The following CLSTN2 variants were observed in gnomAD, a reference collection of about 807,000 sequenced individuals.
CLSTN2 encodes the protein calsyntenin-2.
A neutral mutation model predicts 101.2 loss-of-function variants in CLSTN2; 48 were observed. That is an observed-to-expected ratio of 0.47 (90% CI 0.38 to 0.60). CLSTN2 has a LOEUF of 0.60. Ranked by LOEUF, CLSTN2 falls within the 20% of genes least tolerant of loss-of-function variation. The probability of loss-of-function intolerance (pLI) is 0.00; values close to 1 mark genes in which losing one functional copy is unlikely to be tolerated. For missense variants in CLSTN2, 1,160 were observed against 1,238.2 expected (o/e 0.94, Z 0.95); for synonymous variants, 481 against 463.6 (o/e 1.04, Z -0.48).
intron 1 of CLSTN2, among the ~76,000 whole-genome samples, chr3:139,944,363 G>A (rs1052357209): frequency 3.3e-5 from 5 of 152,200 alleles, no homozygotes; most frequent in African/African-American, 1.2e-4. Flanking sequence ...ACCCATCCCA[G>A]AGATTTTGTT....
At chr3:140,105,199 C>T (rs1381834167) in intron 1 of CLSTN2, among the ~76,000 whole-genome samples, 6 of 152,166 alleles carry the variant, frequency 3.9e-5, no homozygotes, top group African/African-American at 1.4e-4. Flanking sequence ...TTTAAGTAAT[C>T]TAGTCTGACT....
At chr3:140,279,744 TAAAG>T (rs879300521) in intron 2 of CLSTN2, among the ~76,000 whole-genome samples, 13 of 152,224 alleles carry the variant, frequency 8.5e-5, no homozygotes, top group African/African-American at 2.6e-4. Flanking sequence ...AAATGAAAAA[TAAAG>T]AAAGAAAGAA....
chr3:140,007,203 T>C (rs1373864416), intron 1 of CLSTN2, among the ~76,000 whole-genome samples: 1 of 152,080 alleles, frequency 6.6e-6, no homozygotes, highest in Non-Finnish European at 1.5e-5. Flanking sequence ...ATGGTTTCAC[T>C]AAGCTGTTGG....
chr3:140,485,981 G>C (rs1934233636), intron 8 of CLSTN2, among the ~76,000 whole-genome samples: 1 of 152,004 alleles, frequency 6.6e-6, no homozygotes, highest in Non-Finnish European at 1.5e-5. Context: ...ACCCCCCAGT[G>C]AGATGAACTC....
chr3:140,477,879 T>C (rs1319299829), intron 8 of CLSTN2, among the ~76,000 whole-genome samples: 1 of 152,224 alleles, frequency 6.6e-6, no homozygotes, highest in Non-Finnish European at 1.5e-5. Context: ...CATGTCTACA[T>C]GGTTCAGAAG....
At chr3:140,079,022 A>C (rs1259754756) in intron 1 of CLSTN2, among the ~76,000 whole-genome samples, 2 of 152,126 alleles carry the variant, frequency 1.3e-5, no homozygotes, top group Non-Finnish European at 2.9e-5. Context: ...CCTATTTTTG[A>C]GTCCTAGTTC....
chr3:140,197,195 A>G (rs983500060), intron 2 of CLSTN2, among the ~76,000 whole-genome samples: 1 of 152,140 alleles, frequency 6.6e-6, no homozygotes, highest in Admixed American at 6.6e-5. Flanking sequence ...TGTCCTCACT[A>G]TGAAATGATT....
intron 2 of CLSTN2, among the ~76,000 whole-genome samples, chr3:140,312,593 G>A (rs919710781): frequency 6.6e-6 from 1 of 152,184 alleles, no homozygotes; most frequent in African/African-American, 2.4e-5. Context: ...AAAATAATGA[G>A]AAATACAGAA....
chr3:140,021,233 T>C (rs1395274961), intron 1 of CLSTN2, among the ~76,000 whole-genome samples: 1 of 152,156 alleles, frequency 6.6e-6, no homozygotes, highest in Admixed American at 6.5e-5. Flanking sequence ...CACTCTTAAG[T>C]ACTCTGAGTT....
chr3:140,413,098 C>T (rs2088383993), intron 4 of CLSTN2, among the ~76,000 whole-genome samples: 1 of 151,928 alleles, frequency 6.6e-6, no homozygotes, highest in Non-Finnish European at 1.5e-5. Flanking sequence ...AGATCAATGA[C>T]ACCAAGTTTG....
chr3:140,447,891 C>T (rs1349720545), intron 5 of CLSTN2, among the ~76,000 whole-genome samples: 7 of 152,190 alleles, frequency 4.6e-5, no homozygotes, highest in Non-Finnish European at 7.3e-5. Flanking sequence ...GGAGATCTGA[C>T]GTTTGCCTGT....
At chr3:140,197,189 C>T (rs1001713696) in intron 2 of CLSTN2, among the ~76,000 whole-genome samples, 7 of 152,224 alleles carry the variant, frequency 4.6e-5, no homozygotes, top group Non-Finnish European at 8.8e-5. Context: ...GGTAGCTGTC[C>T]TCACTATGAA....
At chr3:140,439,392 G>A (rs190216238) in intron 5 of CLSTN2, among the ~76,000 whole-genome samples, 20 of 152,320 alleles carry the variant, frequency 1.3e-4, no homozygotes, top group African/African-American at 4.8e-4. Flanking sequence ...CTCTGCCAAC[G>A]TGCATGACTC....
chr3:140,360,361 C>A (rs938781402), intron 2 of CLSTN2, among the ~76,000 whole-genome samples: 1 of 152,080 alleles, frequency 6.6e-6, no homozygotes, highest in Non-Finnish European at 1.5e-5. Flanking sequence ...TGACTTAATA[C>A]ACAGAAAAAA....
chr3:140,445,755 C>A (rs1036221390), intron 5 of CLSTN2, among the ~76,000 whole-genome samples: 1 of 152,152 alleles, frequency 6.6e-6, no homozygotes, highest in Non-Finnish European at 1.5e-5. Flanking sequence ...GGTTAGATGT[C>A]TGCGGCTGCC....
chr3:140,308,867 G>T (rs560019674), intron 2 of CLSTN2, among the ~76,000 whole-genome samples: 1 of 152,256 alleles, frequency 6.6e-6, no homozygotes, highest in Non-Finnish European at 1.5e-5. Context: ...CTCCCTAAGC[G>T]CAGCTCTAAT....
In CLSTN2 at chr3:140,083,360, G is replaced by A. The variant is rs560123605; in HGVS notation, c.110-92591G>A. Among the ~76,000 whole-genome samples the A allele has an allele frequency of 7.9e-5, 12 of 152,298 alleles. 1 individual carries two copies. The South Asian group carries it at 2.3e-3, about 29-fold the overall frequency. ...GCCCAAATTTTCTAATGGCAGCAAG[G>A]AGGGATGAATTTTCAAAGTAAATGT... On this transcript the variant is annotated intron_variant, in intron 1 of 16. Coordinates refer to ENST00000458420, the MANE Select transcript of CLSTN2 (RefSeq NM_022131.3).
At chr3:140,483,212 T>C (rs1276949610) in intron 8 of CLSTN2, among the ~76,000 whole-genome samples, 3 of 152,234 alleles carry the variant, frequency 2.0e-5, no homozygotes, top group African/African-American at 4.8e-5. Context: ...CCAGTAGTCA[T>C]TCAGGAGCAG....
At chr3:140,105,386 A>G (rs1576428422) in intron 1 of CLSTN2, among the ~76,000 whole-genome samples, 2 of 152,178 alleles carry the variant, frequency 1.3e-5, no homozygotes, top group Admixed American at 6.5e-5. Context: ...CACTCCAAAC[A>G]TCTAAAGGGC....
Sources: gnomAD v4.1 joint callset for allele counts (sites outside exome capture counted in the v4.1 genomes callset) on GRCh38, gnomAD v4.1.1 for gene constraint, MANE v1.5 for transcripts, NCBI Gene and HGNC (gene_info 2026-07-23, HGNC 2026-07-21) for gene names.